CNTLN: variants seen among roughly 807,000 people sequenced by gnomAD.
CNTLN encodes the protein centlein, centrosomal protein.
A neutral mutation model predicts 180.0 loss-of-function variants in CNTLN; 212 were observed. The ratio of observed to expected loss-of-function variants is 1.18; its 90% CI spans 1.05 to 1.32. The LOEUF (loss-of-function observed/expected upper bound fraction) is 1.32, where lower values mean the gene tolerates loss of function less well. Among genes scored for constraint, CNTLN ranks in the 40% most tolerant of loss-of-function variants. CNTLN has a pLI of 0.00. For missense variants in CNTLN, 2,095 were observed against 1,610.9 expected (o/e 1.30, Z -5.14); for synonymous variants, 722 against 563.1 (o/e 1.28, Z -3.99).
chr9:17,239,177 C>T (rs1426115787), intron 5 of CNTLN, among the ~76,000 whole-genome samples: 4 of 152,032 alleles, frequency 2.6e-5, no homozygotes, highest in Admixed American at 6.6e-5. Context: ...TTACTACAGG[C>T]GCGTGCCACC....
intron 6 of CNTLN, among the ~76,000 whole-genome samples, chr9:17,290,514 C>G (rs1477938456): frequency 6.9e-6 from 1 of 145,250 alleles, no homozygotes; most frequent in East Asian, 2.0e-4. Flanking sequence ...AGGCAGGCCT[C>G]CTTGAGCTGT....
chr9:17,199,456 C>T (rs760363227), intron 2 of CNTLN, among the ~76,000 whole-genome samples: 4 of 152,056 alleles, frequency 2.6e-5, no homozygotes, highest in Non-Finnish European at 5.9e-5. Context: ...CGTGATCCAC[C>T]CTCCTTGGCC....
At chr9:17,499,975 A>C (rs975429036) in intron 25 of CNTLN, among the ~76,000 whole-genome samples, 7 of 152,176 alleles carry the variant, frequency 4.6e-5, no homozygotes, top group African/African-American at 1.7e-4. Context: ...TAAATCTCAC[A>C]CTAGTAAGAT....
intron 25 of CNTLN, among the ~76,000 whole-genome samples, chr9:17,493,035 A>G (rs558760437): frequency 6.6e-6 from 1 of 152,234 alleles, no homozygotes; most frequent in South Asian, 2.1e-4. Context: ...AAGTTCATAG[A>G]GACAGAAAGT....
At chr9:17,438,855 G>C (rs542488532) in intron 18 of CNTLN, among the ~76,000 whole-genome samples, 1 of 152,162 alleles carries the variant, frequency 6.6e-6, no homozygotes, top group East Asian at 1.9e-4. Flanking sequence ...CTGAGCTCTA[G>C]GCCCTCCAAT....
intron 2 of CNTLN, among the ~76,000 whole-genome samples, chr9:17,157,299 A>G (rs1212610988): frequency 6.6e-6 from 1 of 152,186 alleles, no homozygotes; most frequent in Admixed American, 6.5e-5. Context: ...GTAATGATTT[A>G]TCTTTTTCCA....
At position 17,342,346 on chromosome 9, in the gene CNTLN, G is replaced by A. The variant is rs773147634; in HGVS notation, c.1788G>A (p.Lys596=). The A allele has an allele frequency of 1.4e-5, 22 of 1,612,182 alleles. No homozygotes were observed. Among genetic ancestry groups the A allele is most frequent in the Non-Finnish European group, 1.9e-5 (22 of 1,179,256 alleles). ...ATAGGACTGAAATCAGGAAAATAAAGAGAGCAGATCCCCAACAACTTCGAC... is the reference window on the plus strand; with the variant it reads ...ATAGGACTGAAATCAGGAAAATAAAAAGAGCAGATCCCCAACAACTTCGAC... ...GSGMTEIRKI[K]RADPQQLRQE... is the part of the protein sequence containing the mutation. The change falls in exon 12 of 26, where the codon AAG becomes AAA. Residue 596 remains lysine (K), a synonymous_variant. Transcript: ENST00000380647.
chr9:17,325,670 T>C (rs866586586), intron 8 of CNTLN, among the ~76,000 whole-genome samples: 2 of 151,902 alleles, frequency 1.3e-5, no homozygotes, highest in African/African-American at 4.8e-5. Flanking sequence ...CTTTTAGAAA[T>C]GTTTTTGTTT....
chr9:17,491,197 A>C (rs1588106577), intron 25 of CNTLN, among the ~76,000 whole-genome samples: 1 of 152,030 alleles, frequency 6.6e-6, no homozygotes, highest in East Asian at 1.9e-4. Context: ...AATTAGTGGA[A>C]ATTAAGCTGA....
chr9:17,270,818 G>T (rs961600507), intron 5 of CNTLN, among the ~76,000 whole-genome samples: 3 of 151,018 alleles, frequency 2.0e-5, no homozygotes, highest in Admixed American at 6.6e-5. Context: ...TTCTTTTTTT[G>T]AATTTTTAAA....
chr9:17,237,757 G>A (rs1410434799), intron 5 of CNTLN, among the ~76,000 whole-genome samples: 1 of 151,794 alleles, frequency 6.6e-6, no homozygotes, highest in Non-Finnish European at 1.5e-5. Context: ...ATATGTGTGT[G>A]TATATGCATG....
Position 17,394,566 on chromosome 9 carries a change from T to C in CNTLN, c.2112T>C (p.Phe704=). The change falls in exon 15 of 26, where the codon TTT becomes TTC. Residue 704 remains phenylalanine, a synonymous_variant. Coordinates refer to ENST00000380647, the MANE Select transcript of CNTLN (RefSeq NM_017738.4). The part of the protein sequence containing the change: ...VTELENRLKS[F]EKRSRKLKEG... ...AGTTGGAAAATCGGCTGAAATCTTT[T>C]GAGAAAAGGTCGAGAAAATTAAAAG... 1 of 1,585,106 alleles carries C rather than the reference T, an allele frequency of 6.3e-7. No individual in the cohort carries two copies. Among genetic ancestry groups the C allele is most frequent in the East Asian group, 2.2e-5 (1 of 44,698 alleles).
At chr9:17,285,036 G>A (rs1828895872) in intron 6 of CNTLN, among the ~76,000 whole-genome samples, 1 of 150,942 alleles carries the variant, frequency 6.6e-6, no homozygotes, top group Admixed American at 6.6e-5. Context: ...TAAGTTTTAG[G>A]GTACATGTGC....
chr9:17,286,744 A>G lies in CNTLN; in HGVS notation c.984-11446A>G, dbSNP rs1242193294. On this transcript the variant is annotated intron_variant, in intron 6 of 25. Transcript: ENST00000380647. ...CACATCCCTTGTAAGTTGGATTCCT[A>G]GGTATTTTATTCTCTTTGAAGCAGT... Among the ~76,000 whole-genome samples, 4 of 110,416 alleles carry G rather than the reference A, an allele frequency of 3.6e-5. 1 individual carries two copies. Among genetic ancestry groups the G allele is most frequent in the African/African-American group, 1.7e-4 (4 of 23,208 alleles). 72.4% of individuals were successfully genotyped at this position (110,416 alleles called of 152,430 possible).
chr9:17,513,225 G>C, the CNTLN span, among the ~76,000 whole-genome samples: 1 of 151,144 alleles, frequency 6.6e-6, no homozygotes, highest in Non-Finnish European at 1.5e-5. Flanking sequence ...GTGAGGCAAA[G>C]ATAAATAGGA....
chr9:17,291,359 C>CTTGTTAAT (rs1829394798), intron 6 of CNTLN, among the ~76,000 whole-genome samples: 1 of 152,026 alleles, frequency 6.6e-6, no homozygotes, highest in African/African-American at 2.4e-5. Flanking sequence ...CCTGAATATC[C>CTTGTTAAT]TTGTTAATTT....
chr9:17,434,086 C>T (rs1829607566), intron 18 of CNTLN, among the ~76,000 whole-genome samples: 1 of 152,098 alleles, frequency 6.6e-6, no homozygotes, highest in East Asian at 1.9e-4. Flanking sequence ...ACTGCAAGAT[C>T]TGTAGTGATA....
At chr9:17,491,328 A>C (rs1833150820) in intron 25 of CNTLN, among the ~76,000 whole-genome samples, 1 of 152,138 alleles carries the variant, frequency 6.6e-6, no homozygotes, top group African/African-American at 2.4e-5. Context: ...ACTGTAATAG[A>C]ATTTACACTT....
chr9:17,160,656 T>C (rs1363984526), intron 2 of CNTLN, among the ~76,000 whole-genome samples: 1 of 152,192 alleles, frequency 6.6e-6, no homozygotes, highest in Non-Finnish European at 1.5e-5. Context: ...CTGTTTTACA[T>C]CTTTACTTTG....
Sources: allele counts gnomAD v4.1 joint callset (sites outside exome capture counted in the v4.1 genomes callset), GRCh38; gene constraint gnomAD v4.1.1; transcripts MANE v1.5; gene names NCBI Gene and HGNC (gene_info 2026-07-23, HGNC 2026-07-21).